SCFD2: variants seen among roughly 807,000 people sequenced by gnomAD.
SCFD2 encodes sec1 family domain containing 2.
SCFD2 carries 54 observed loss-of-function variants against 58.9 expected under a neutral mutation model. The ratio of observed to expected loss-of-function variants is 0.92; its 90% confidence interval spans 0.74 to 1.15. The LOEUF (loss-of-function observed/expected upper bound fraction) is 1.15. SCFD2 is among the 50% of genes most tolerant of loss of function. The pLI is 0.00. For missense variants in SCFD2, 805 were observed against 836.6 expected (o/e 0.96, Z 0.47); for synonymous variants, 321 against 335.9 (o/e 0.96, Z 0.49).
At chr4:52,924,889 G>A (rs1719826929) in intron 5 of SCFD2, among the ~76,000 whole-genome samples, 1 of 152,100 alleles carries the variant, frequency 6.6e-6, no homozygotes, top group African/African-American at 2.4e-5. Flanking sequence ...TGTGAATGCA[G>A]CTCATTCCAA....
intron 5 of SCFD2, among the ~76,000 whole-genome samples, chr4:52,977,757 C>A (rs1043525311): frequency 2.6e-5 from 4 of 152,174 alleles, no homozygotes; most frequent in African/African-American, 9.7e-5. Context: ...GTTCCTACAG[C>A]CTTGCTCATT....
intron 4 of SCFD2, 65 bp downstream of exon 4, chr4:53,273,761 A>G: frequency 2.9e-6 from 4 of 1,375,310 alleles, no homozygotes; most frequent in Non-Finnish European, 4.0e-6. Flanking sequence ...ATAAATGTCA[A>G]GGTTTTTCTC....
At chr4:52,897,166 T>C (rs1487976625) in intron 7 of SCFD2, among the ~76,000 whole-genome samples, 1 of 152,242 alleles carries the variant, frequency 6.6e-6, no homozygotes, top group Non-Finnish European at 1.5e-5. Context: ...CCTGCCTGAT[T>C]GCCCTGGCCA....
intron 3 of SCFD2, among the ~76,000 whole-genome samples, chr4:53,301,471 C>CA (rs992059043): frequency 4.0e-5 from 6 of 151,234 alleles, no homozygotes; most frequent in Non-Finnish European, 5.9e-5. Context: ...GCTTACCAAC[C>CA]AAAAAAAACT....
chr4:52,922,021 C>T (rs1164571933), intron 5 of SCFD2, among the ~76,000 whole-genome samples: 1 of 152,114 alleles, frequency 6.6e-6, no homozygotes, highest in Non-Finnish European at 1.5e-5. Context: ...CATCAACTCA[C>T]CCATTAATAC....
At chr4:53,332,421 T>C (rs1416931524) in intron 2 of SCFD2, among the ~76,000 whole-genome samples, 1 of 151,664 alleles carries the variant, frequency 6.6e-6, no homozygotes, top group Non-Finnish European at 1.5e-5. Context: ...GCTTCATCCC[T>C]GGGATGCAAG....
intron 3 of SCFD2, among the ~76,000 whole-genome samples, chr4:53,306,475 T>C (rs1450301308): frequency 6.6e-6 from 1 of 152,176 alleles, no homozygotes; most frequent in East Asian, 1.9e-4. Context: ...AGGAAATTTG[T>C]AAATAGAAAT....
intron 5 of SCFD2, among the ~76,000 whole-genome samples, chr4:53,025,994 T>G (rs1023903059): frequency 6.6e-6 from 1 of 152,184 alleles, no homozygotes; most frequent in Non-Finnish European, 1.5e-5. Flanking sequence ...TGTAAATGAC[T>G]ACGGTTTTTC....
chr4:53,014,580 A>C (rs1451757424), intron 5 of SCFD2, among the ~76,000 whole-genome samples: 1 of 152,240 alleles, frequency 6.6e-6, no homozygotes, highest in East Asian at 1.9e-4. Context: ...CCTCATAGGC[A>C]CAACCCTCTC....
intron 4 of SCFD2, among the ~76,000 whole-genome samples, chr4:53,188,129 A>T (rs1324659851): frequency 2.6e-5 from 4 of 152,136 alleles, no homozygotes; most frequent in African/African-American, 7.2e-5. Flanking sequence ...AGAAAAAAAG[A>T]CAAATAACTA....
chr4:53,238,759 G>A (rs1431183484), intron 4 of SCFD2, among the ~76,000 whole-genome samples: 5 of 150,604 alleles, frequency 3.3e-5, no homozygotes, highest in Admixed American at 6.6e-5. Context: ...CATCTCAGAC[G>A]ATGGGCGGCC....
chr4:53,229,916 A>C (rs554402557), intron 4 of SCFD2, among the ~76,000 whole-genome samples: 25 of 152,298 alleles, frequency 1.6e-4, no homozygotes, highest in South Asian at 1.0e-3. Flanking sequence ...AACTCAAACA[A>C]ATTTACAAGA....
chr4:53,012,322 G>C (rs1011496839), intron 5 of SCFD2, among the ~76,000 whole-genome samples: 1 of 151,710 alleles, frequency 6.6e-6, no homozygotes. Context: ...GAAAGGCTGG[G>C]ATACCTTATT....
intron 5 of SCFD2, among the ~76,000 whole-genome samples, chr4:53,085,034 TAG>T (rs1378058593): frequency 6.6e-6 from 1 of 152,150 alleles, no homozygotes; most frequent in Non-Finnish European, 1.5e-5. Context: ...AAGTCCTTGC[TAG>T]AGCAACCAGA....
intron 5 of SCFD2, among the ~76,000 whole-genome samples, chr4:52,980,612 T>G (rs1294021949): frequency 6.6e-6 from 1 of 152,214 alleles, no homozygotes; most frequent in African/African-American, 2.4e-5. Flanking sequence ...TGCCTGCATC[T>G]CTTTCCAGCT....
At chr4:53,012,341 ATCTC>A (rs368371321) in intron 5 of SCFD2, among the ~76,000 whole-genome samples, 3 of 144,486 alleles carry the variant, frequency 2.1e-5, no homozygotes, top group African/African-American at 7.7e-5. Flanking sequence ...TTAGCATAAA[ATCTC>A]TCTCTCTCTT....
chr4:53,328,534 C>G (rs970168846), intron 2 of SCFD2, among the ~76,000 whole-genome samples: 2 of 152,004 alleles, frequency 1.3e-5, no homozygotes, highest in African/African-American at 4.8e-5. Context: ...TGAGTTATAA[C>G]CCATTGAATA....
chr4:53,359,510 G>A (rs1228820547), intron 1 of SCFD2, among the ~76,000 whole-genome samples: 1 of 152,180 alleles, frequency 6.6e-6, no homozygotes, highest in Non-Finnish European at 1.5e-5. Context: ...AGGATTGCTT[G>A]AAGTCAGGTA....
At chr4:53,306,966 G>A (rs62324297) in intron 3 of SCFD2, among the ~76,000 whole-genome samples, 8,661 of 152,264 alleles carry the variant, frequency 0.057, 307 homozygotes, top group Middle Eastern at 0.12. Context: ...AAGATGGCAC[G>A]CCAACTGCAT....
Sources: gnomAD v4.1 joint callset for allele counts (sites outside exome capture counted in the v4.1 genomes callset) on GRCh38, gnomAD v4.1.1 for gene constraint, MANE v1.5 for transcripts, NCBI Gene and HGNC (gene_info 2026-07-23, HGNC 2026-07-21) for gene names.